Variants in CACNB2 observed in about 807,000 individuals in gnomAD.
CACNB2 encodes voltage-dependent L-type calcium channel subunit beta-2.
A neutral mutation model predicts 73.3 loss-of-function variants in CACNB2; 42 were observed. The observed-to-expected ratio is 0.57, with a 90% CI of 0.45 to 0.74. The LOEUF (loss-of-function observed/expected upper bound fraction) is 0.74, where lower values mean the gene tolerates loss of function less well. Among genes scored for constraint, CACNB2 ranks in the 30% least tolerant of loss-of-function variants. CACNB2 has a pLI of 0.00. For missense variants in CACNB2, 940 were observed against 853.0 expected (o/e 1.10, Z -1.27); for synonymous variants, 348 against 310.3 (o/e 1.12, Z -1.28).
At chr10:18,534,397 G>A (rs998222865) in intron 11 of CACNB2, among the ~76,000 whole-genome samples, 170 bp downstream of exon 11, 1 of 152,204 alleles carries the variant, frequency 6.6e-6, no homozygotes, top group African/African-American at 2.4e-5. Flanking sequence ...GCTTAGAACA[G>A]CTGTTCTCAA....
chr10:18,452,425 C>T (rs1448826491), intron 3 of CACNB2, among the ~76,000 whole-genome samples: 1 of 152,042 alleles, frequency 6.6e-6, no homozygotes, highest in African/African-American at 2.4e-5. Flanking sequence ...AACACTGTGT[C>T]TCAAATAATA....
intron 2 of CACNB2, among the ~76,000 whole-genome samples, chr10:18,240,240 A>G (rs1440962065): frequency 6.6e-6 from 1 of 152,192 alleles, no homozygotes; most frequent in African/African-American, 2.4e-5. Flanking sequence ...TCTCTCTTGA[A>G]CAATATTATT....
chr10:18,462,694 A>G (rs977783958), intron 3 of CACNB2, among the ~76,000 whole-genome samples: 1 of 152,190 alleles, frequency 6.6e-6, no homozygotes, highest in African/African-American at 2.4e-5. Context: ...ACTGTTAAAA[A>G]GTGAAAAGTA....
chr10:18,450,837 A>G (rs1201121715), intron 3 of CACNB2, among the ~76,000 whole-genome samples: 2 of 152,038 alleles, frequency 1.3e-5, no homozygotes, highest in African/African-American at 4.8e-5. Context: ...GGGTTTCACC[A>G]TGTTGGCCAG....
chr10:18,182,479 T>C (rs779484158), intron 2 of CACNB2, among the ~76,000 whole-genome samples: 2 of 150,156 alleles, frequency 1.3e-5, no homozygotes, highest in African/African-American at 2.5e-5. Context: ...ATGCCTGTAA[T>C]AGAAAATTTG....
chr10:18,533,607 A>G (rs1489397305), intron 10 of CACNB2, among the ~76,000 whole-genome samples: 1 of 152,104 alleles, frequency 6.6e-6, no homozygotes, highest in African/African-American at 2.4e-5. Flanking sequence ...TTTATTTTGT[A>G]TTTCATCTTG....
At chr10:18,209,098 T>C (rs74661789) in intron 2 of CACNB2, among the ~76,000 whole-genome samples, 7,577 of 152,300 alleles carry the variant, frequency 0.05, 250 homozygotes, top group African/African-American at 0.076. Flanking sequence ...CTTCCTCTTT[T>C]GTAGGTAATG....
At chr10:18,221,858 T>C (rs2035805907) in intron 2 of CACNB2, among the ~76,000 whole-genome samples, 1 of 152,246 alleles carries the variant, frequency 6.6e-6, no homozygotes, top group African/African-American at 2.4e-5. Context: ...GCATTTTGTG[T>C]TCTGTCTTTA....
chr10:18,172,606 C>T (rs2033321372), intron 2 of CACNB2, among the ~76,000 whole-genome samples: 1 of 152,136 alleles, frequency 6.6e-6, no homozygotes, highest in Admixed American at 6.5e-5. Flanking sequence ...AAACCCTTGT[C>T]CTGTGCCCAT....
intron 2 of CACNB2, among the ~76,000 whole-genome samples, chr10:18,390,251 C>T (rs932194958): frequency 6.6e-6 from 1 of 152,224 alleles, no homozygotes; most frequent in African/African-American, 2.4e-5. Flanking sequence ...CTCACTCCTT[C>T]GCCCAGGCTG....
At chr10:18,260,948 ACT>A in intron 2 of CACNB2, 1 of 1,277,576 alleles carries the variant, frequency 7.8e-7, no homozygotes, top group Admixed American at 3.3e-5. Context: ...GACAGTCCTA[ACT>A]CTGTGTTAGC....
At chr10:18,206,493 C>G (rs544854142) in intron 2 of CACNB2, 2 of 152,412 alleles carry the variant, frequency 1.3e-5, no homozygotes, top group African/African-American at 2.4e-5. Flanking sequence ...TGTGCAGTCA[C>G]TTCTTTCTCT....
At chr10:18,449,602 C>T (rs964524841) in intron 3 of CACNB2, among the ~76,000 whole-genome samples, 2 of 152,200 alleles carry the variant, frequency 1.3e-5, no homozygotes, top group Non-Finnish European at 1.5e-5. Flanking sequence ...GGGATTCCTG[C>T]TATTATCTCC....
chr10:18,262,040 A>T (rs773590910), intron 2 of CACNB2: 2 of 518,468 alleles, frequency 3.9e-6, no homozygotes, highest in African/African-American at 3.9e-5. Flanking sequence ...GCGAGCAGCT[A>T]CTCTATTTTC....
intron 3 of CACNB2, among the ~76,000 whole-genome samples, chr10:18,402,589 C>T (rs938138477): frequency 6.6e-6 from 1 of 152,192 alleles, no homozygotes; most frequent in Non-Finnish European, 1.5e-5. Flanking sequence ...ATGTTCTTCT[C>T]CATTCCATCT....
intron 2 of CACNB2, among the ~76,000 whole-genome samples, chr10:18,359,607 T>G (rs892514971): frequency 2.6e-5 from 4 of 152,194 alleles, no homozygotes; most frequent in East Asian, 3.9e-4. Flanking sequence ...TTTTGTTTTT[T>G]TTTTTCTTTT....
At chr10:18,444,184 A>G (rs1473470290) in intron 3 of CACNB2, among the ~76,000 whole-genome samples, 1 of 152,112 alleles carries the variant, frequency 6.6e-6, no homozygotes, top group Non-Finnish European at 1.5e-5. Context: ...GGAGGTGATG[A>G]GCTCATGAGG....
intron 2 of CACNB2, among the ~76,000 whole-genome samples, chr10:18,387,684 G>A (rs137981676): frequency 1.8e-4 from 28 of 152,168 alleles, no homozygotes; most frequent in African/African-American, 6.7e-4. Flanking sequence ...TACACTACCA[G>A]GCTGTGAGAC....
chr10:18,525,752 C>A (rs968522183), intron 9 of CACNB2, among the ~76,000 whole-genome samples: 1 of 152,014 alleles, frequency 6.6e-6, no homozygotes, highest in African/African-American at 2.4e-5. Context: ...GGAATTTGAA[C>A]CTCTTGGGTT....
Sources: gnomAD v4.1 joint callset for allele counts (sites outside exome capture counted in the v4.1 genomes callset) on GRCh38, gnomAD v4.1.1 for gene constraint, MANE v1.5 for transcripts, NCBI Gene and HGNC (gene_info 2026-07-23, HGNC 2026-07-21) for gene names.